Variants in DNAJC11 observed in about 807,000 individuals in gnomAD.
DNAJC11 encodes the protein dnaJ homolog subfamily C member 11.
Under a neutral mutation model 78.6 loss-of-function variants are expected in DNAJC11, and 15 were observed. The ratio of observed to expected loss-of-function variants is 0.19; its 90% confidence interval spans 0.13 to 0.29. The LOEUF is 0.29. Among genes scored for constraint, DNAJC11 ranks in the 10% least tolerant of loss-of-function variants. The probability of loss-of-function intolerance (pLI) is 1.00; values close to 1 mark genes in which losing one functional copy is unlikely to be tolerated. For missense variants in DNAJC11, 547 were observed against 709.6 expected (o/e 0.77, Z 2.60); for synonymous variants, 292 against 272.1 (o/e 1.07, Z -0.72).
chr1:6,669,648 G>A (rs902471272), intron 3 of DNAJC11, among the ~76,000 whole-genome samples: 1 of 152,196 alleles, frequency 6.6e-6, no homozygotes, highest in Non-Finnish European at 1.5e-5. Context: ...ACATTTCAAA[G>A]AAGTGGAAAG....
At chr1:6,668,576 T>G (rs1642327716) in intron 3 of DNAJC11, among the ~76,000 whole-genome samples, 1 of 152,130 alleles carries the variant, frequency 6.6e-6, no homozygotes, top group East Asian at 1.9e-4. Flanking sequence ...GGACCAAGGA[T>G]CTCGAGCTGT....
intron 1 of DNAJC11, among the ~76,000 whole-genome samples, chr1:6,692,767 C>T (rs527730631): frequency 2.6e-5 from 4 of 152,048 alleles, no homozygotes; most frequent in South Asian, 2.1e-4. Flanking sequence ...TTTGCCACCA[C>T]GCCTGGCTAA....
At chr1:6,651,638 G>T in intron 6 of DNAJC11, 36 bp from the exon 7 acceptor site, 1 of 1,565,214 alleles carries the variant, frequency 6.4e-7, no homozygotes, top group Non-Finnish European at 8.8e-7. Context: ...CATTAATGGT[G>T]TTTTATCTCA....
At chr1:6,690,139 C>G (rs1441249432) in intron 1 of DNAJC11, among the ~76,000 whole-genome samples, 1 of 152,014 alleles carries the variant, frequency 6.6e-6, no homozygotes, top group Non-Finnish European at 1.5e-5. Flanking sequence ...AATGTGTAGC[C>G]TAACTCAAAC....
chr1:6,699,219 C>A (rs1400313772), intron 1 of DNAJC11, among the ~76,000 whole-genome samples: 2 of 151,566 alleles, frequency 1.3e-5, no homozygotes, highest in Non-Finnish European at 2.9e-5. Context: ...AGCACCTGAG[C>A]CCGGGGAAGT....
chr1:6,651,878 C>T (rs1330111771), intron 6 of DNAJC11, among the ~76,000 whole-genome samples: 2 of 152,246 alleles, frequency 1.3e-5, no homozygotes, highest in African/African-American at 4.8e-5. Flanking sequence ...TGTTCCTTGC[C>T]TCCCAGGCTG....
intron 10 of DNAJC11, among the ~76,000 whole-genome samples, chr1:6,641,799 C>T (rs1641882174): frequency 6.6e-6 from 1 of 152,152 alleles, no homozygotes; most frequent in Non-Finnish European, 1.5e-5. Flanking sequence ...GAGTTCCTCT[C>T]AAGTACCACG....
At chr1:6,668,400 A>G (rs1642325021) in intron 3 of DNAJC11, among the ~76,000 whole-genome samples, 1 of 152,142 alleles carries the variant, frequency 6.6e-6, no homozygotes, top group African/African-American at 2.4e-5. Context: ...CGGCCTCCGG[A>G]AGTGCTGGGA....
Position 6,636,221 on chromosome 1 carries a change from G to A in DNAJC11, c.1550C>T (p.Pro517Leu), listed in dbSNP as rs750578203. ...CAGGTTCTTCTCTTCCCCCACACACGGGTCATAAAAGCCAGGCAGCCCAGC... is the reference window on the plus strand; with the variant it reads ...CAGGTTCTTCTCTTCCCCCACACACAGGTCATAAAAGCCAGGCAGCCCAGC... Reference protein sequence around the residue: ...SKAGLPGFYDPCVGEEKNLKV... With the variant: ...SKAGLPGFYDLCVGEEKNLKV... Residue 517 changes from proline to leucine, a missense_variant, in exon 15 of 16, where the codon CCG becomes CTG. Pro to Leu is a moderately conservative substitution (Grantham distance 98, BLOSUM62 -3). Coordinates refer to ENST00000377577, the MANE Select transcript of DNAJC11 (RefSeq NM_018198.4). The A allele has an allele frequency of 9.9e-6, 16 of 1,613,948 alleles. No homozygotes were observed. Among genetic ancestry groups the A allele is most frequent in the Middle Eastern group, 1.6e-4 (1 of 6,082 alleles).
Position 6,645,664 on chromosome 1 carries a change from AG to A in DNAJC11, c.894+124del. ...TGTGAGCACCGAGAGCCTGCCCCTC[AG>A]GGCCCTGTATGGGCTTAGACTTAGT... On this transcript the variant is annotated intron_variant, in intron 8 of 15. Coordinates refer to ENST00000377577, the MANE Select transcript of DNAJC11 (RefSeq NM_018198.4). The surrounding 1 kb of genome is among the most constrained non-coding windows in gnomAD (Gnocchi z 4.1). 9.0e-7 allele frequency: 1 copy of A among 1,105,996 alleles called. No homozygotes were observed. The highest frequency in any genetic ancestry group is 1.3e-6 in the Non-Finnish European group (1 of 768,584). The allele number at this position is 1,105,996 out of a possible 1,614,324, so 68.5% of individuals were successfully genotyped here.
intron 10 of DNAJC11, among the ~76,000 whole-genome samples, chr1:6,641,406 TACACACACAC>T (rs70981395): frequency 2.1e-5 from 3 of 140,134 alleles, no homozygotes; most frequent in South Asian, 4.4e-4. Context: ...TATATATATA[TACACACACAC>T]ACACACACAC....
In DNAJC11 at chr1:6,653,194, C is replaced by T. The variant is rs1463476280; in HGVS notation, c.508-243G>A. Among the ~76,000 whole-genome samples the T allele has an allele frequency of 6.6e-6, 1 of 152,164 alleles. No homozygotes were observed. The highest frequency in any genetic ancestry group is 1.5e-5 in the Non-Finnish European group (1 of 68,030). On this transcript the variant is annotated intron_variant, in intron 5 of 15. Coordinates refer to ENST00000377577, the MANE Select transcript of DNAJC11 (RefSeq NM_018198.4). The surrounding 1 kb of genome is among the most constrained non-coding windows in gnomAD (Gnocchi z 4.5). ...CTTTAATGGGCACATTTCACAACAC[C>T]AGGGGAAACATGGGGCTGCATGTCC...
chr1:6,640,168 C>G (rs890633251), intron 10 of DNAJC11, 111 bp from the exon 11 acceptor site: 2 of 1,336,874 alleles, frequency 1.5e-6, no homozygotes, highest in East Asian at 5.1e-5. Flanking sequence ...CGTGCAGCTG[C>G]GAGTTAAAGG....
intron 1 of DNAJC11, among the ~76,000 whole-genome samples, chr1:6,687,713 G>A (rs866283972): frequency 2.0e-5 from 3 of 151,964 alleles, no homozygotes; most frequent in Non-Finnish European, 4.4e-5. Flanking sequence ...CCTGCTCAAC[G>A]CCCCCCTTCT....
intron 1 of DNAJC11, among the ~76,000 whole-genome samples, chr1:6,701,256 G>C (rs1036147240): frequency 6.6e-6 from 1 of 152,152 alleles, no homozygotes; most frequent in Admixed American, 6.5e-5. Context: ...AAAGACTCGG[G>C]AACCGGAAAA....
intron 1 of DNAJC11, among the ~76,000 whole-genome samples, chr1:6,689,814 G>T (rs904235875): frequency 6.6e-6 from 1 of 152,028 alleles, no homozygotes; most frequent in Non-Finnish European, 1.5e-5. Flanking sequence ...GACTGAACTG[G>T]AGAAAGGGCT....
chr1:6,672,659 A>AGGCCTCTGCCAGCCTTGATTATTTG (rs1553129745), intron 3 of DNAJC11, among the ~76,000 whole-genome samples: 6 of 152,202 alleles, frequency 3.9e-5, no homozygotes. Flanking sequence ...CAGCTCCCAC[A>AGGCCTCTGCCAGCCTTGATTATTTG]GGCCTCTGCC....
At chr1:6,644,769 T>C (rs1181706540) in intron 9 of DNAJC11, 95 bp from the exon 10 acceptor site, 3 of 1,102,364 alleles carry the variant, frequency 2.7e-6, no homozygotes, top group African/African-American at 3.1e-5. Context: ...TTCCCTTCCC[T>C]CCCTCCAGCC....
chr1:6,661,297 C>G (rs115695063), intron 4 of DNAJC11, among the ~76,000 whole-genome samples: 2 of 152,154 alleles, frequency 1.3e-5, no homozygotes, highest in African/African-American at 4.8e-5. Flanking sequence ...AACTGGTGAA[C>G]CCAGCATGGC....
Sources: gnomAD v4.1 joint callset for allele counts (sites outside exome capture counted in the v4.1 genomes callset) on GRCh38, gnomAD v4.1.1 for gene constraint, Gnocchi (gnomAD v3.1) non-coding constraint, MANE v1.5 for transcripts, NCBI Gene and HGNC (gene_info 2026-07-23, HGNC 2026-07-21) for gene names.